Variants in SLC7A5 observed in about 807,000 individuals in gnomAD.
The protein encoded by SLC7A5 is solute carrier family 7 member 5.
Under a neutral mutation model 50.2 loss-of-function variants are expected in SLC7A5, and 23 were observed. That is an observed-to-expected ratio of 0.46 (90% CI 0.33 to 0.65). The LOEUF is 0.65. SLC7A5 is among the 30% of genes least tolerant of loss of function. SLC7A5 has a pLI of 0.02. For missense variants in SLC7A5, 578 were observed against 684.4 expected (o/e 0.84, Z 1.73); for synonymous variants, 393 against 330.6 (o/e 1.19, Z -2.05).
chr16:87,852,001 G>C lies in SLC7A5; in HGVS notation c.539-152C>G, dbSNP rs1284117608. 2 of 878,186 alleles carry C rather than the reference G, an allele frequency of 2.3e-6. No homozygotes were observed. The highest frequency in any genetic ancestry group is 3.6e-6 in the Non-Finnish European group (2 of 562,012). 54.4% of individuals were successfully genotyped at this position (878,186 alleles called of 1,614,324 possible). On this transcript the variant is annotated intron_variant, in intron 1 of 9. Transcript: ENST00000261622. This position sits in a 1 kb window ranked among gnomAD's most constrained non-coding sequence, Gnocchi z 4.5. The stretch of plus-strand genomic sequence containing the variant: ...AGCTCCAGTCCCCTGCCAGCCCTTA[G>C]GGCACGTTCTGACTTTCTGAGACCT...
At chr16:87,851,892 A>T (rs1365511567) in intron 1 of SLC7A5, 43 bp from the exon 2 acceptor site, 1 of 1,611,308 alleles carries the variant, frequency 6.2e-7, no homozygotes, top group Non-Finnish European at 8.5e-7. Flanking sequence ...GGGCAGACAG[A>T]CGCCAGCTCA....
chr16:87,832,799 T>C lies in SLC7A5; in HGVS notation c.*171A>G. On this transcript the variant is annotated 3_prime_UTR_variant, in exon 10 of 10. Coordinates refer to ENST00000261622, the MANE Select transcript of SLC7A5 (RefSeq NM_003486.7). The surrounding 1 kb of genome is among the most constrained non-coding windows in gnomAD (Gnocchi z 4.6). ...CCTGGCCCTCAGTTGAGGGATGAGA[T>C]TCGTACCAGAGTTTTCACAGCAGCC... 3.0e-6 allele frequency: 2 copies of C among 667,398 alleles called. No individual in the cohort carries two copies. Among genetic ancestry groups the C allele is most frequent in the South Asian group, 3.2e-5 (2 of 63,204 alleles). The allele number at this position is 667,398 out of a possible 1,614,324, so 41.3% of individuals were successfully genotyped here. A position where few individuals can be genotyped will look rare whatever the true frequency, so the allele number is the denominator to read the frequency against.
Position 87,833,140 on chromosome 16 carries a change from C to G in SLC7A5, c.1469-115G>C. The G allele has an allele frequency of 1.2e-6, 1 of 863,202 alleles. No individual in the cohort carries two copies. Among genetic ancestry groups the G allele is most frequent in the Non-Finnish European group, 2.0e-6 (1 of 502,538 alleles). 53.5% of individuals were successfully genotyped at this position (863,202 alleles called of 1,614,324 possible). A position where few individuals can be genotyped will look rare whatever the true frequency, so the allele number is the denominator to read the frequency against. ...GCTGTCACCAAACCCAGCGCCGCTG[C>G]CCAGCGCTGGGATTTTAAGGAACCT... On this transcript the variant is annotated intron_variant, in intron 9 of 9. Coordinates refer to ENST00000261622, the MANE Select transcript of SLC7A5 (RefSeq NM_003486.7). This position sits in a 1 kb window ranked among gnomAD's most constrained non-coding sequence, Gnocchi z 6.0.
rs75157467 is a variant in SLC7A5, at chr16:87,833,182, G to C, written c.1469-157C>G. ...AAGGAACCTTCCCTTGTGTACTTGC[G>C]CATGTGGGTGCCGGGTGCCCGAGGC... On this transcript the variant is annotated intron_variant, in intron 9 of 9. Coordinates refer to ENST00000261622, the MANE Select transcript of SLC7A5 (RefSeq NM_003486.7). This position sits in a 1 kb window ranked among gnomAD's most constrained non-coding sequence, Gnocchi z 6.0. Among the ~76,000 whole-genome samples, 316 of 152,342 alleles carry C rather than the reference G, an allele frequency of 2.1e-3. 1 individual carries two copies. Among genetic ancestry groups the C allele is most frequent in the African/African-American group, 7.3e-3 (302 of 41,586 alleles).
At chr16:87,843,550 C>G (rs1207926244) in intron 2 of SLC7A5, among the ~76,000 whole-genome samples, 1 of 151,922 alleles carries the variant, frequency 6.6e-6, no homozygotes, top group Non-Finnish European at 1.5e-5. Context: ...GGTCACCACA[C>G]TCATCCAGTG....
At chr16:87,857,377 C>A (rs1360513742) in intron 1 of SLC7A5, among the ~76,000 whole-genome samples, 1 of 152,202 alleles carries the variant, frequency 6.6e-6, no homozygotes. Flanking sequence ...CTCTGGGGAT[C>A]AAGTGATTCT....
intron 2 of SLC7A5, among the ~76,000 whole-genome samples, chr16:87,851,381 G>C (rs563664787): frequency 6.6e-6 from 1 of 152,350 alleles, no homozygotes; most frequent in South Asian, 2.1e-4. Context: ...TGCATGGCAG[G>C]CATAGCCCCT....
rs79881165 is a variant in SLC7A5, at chr16:87,851,192, C to T, written c.664+532G>A. 5.3e-3 allele frequency among the ~76,000 whole-genome samples: 802 copies of T among 152,350 alleles called. 8 individuals are homozygous for T. The highest frequency in any genetic ancestry group is 0.018 in the African/African-American group (768 of 41,572). On this transcript the variant is annotated intron_variant, in intron 2 of 9. Coordinates refer to ENST00000261622, the MANE Select transcript of SLC7A5 (RefSeq NM_003486.7). The stretch of plus-strand genomic sequence containing the variant: ...GGGGTTACCACGTTTGTTTTGTTTT[C>T]CATGCTTACCTCATCTTCTTTAAAA...
intron 2 of SLC7A5, among the ~76,000 whole-genome samples, chr16:87,844,254 C>T (rs2055119264): frequency 6.6e-6 from 1 of 152,224 alleles, no homozygotes; most frequent in South Asian, 2.1e-4. Flanking sequence ...CACAGCCAAA[C>T]CCCGGGTGGG....
Position 87,844,287 on chromosome 16 carries a change from G to C in SLC7A5, c.665-3132C>G, listed in dbSNP as rs1286780035. Among the ~76,000 whole-genome samples, 5 of 152,206 alleles carry C rather than the reference G, an allele frequency of 3.3e-5. No individual in the cohort carries two copies. The East Asian group carries it at 9.6e-4, about 29-fold the overall frequency. On this transcript the variant is annotated intron_variant, in intron 2 of 9. Coordinates refer to ENST00000261622, the MANE Select transcript of SLC7A5 (RefSeq NM_003486.7). ...GGGGGGAAGGCAAACTGCAAACGCC[G>C]CGGCGACCCCGGCACAGCAGCCCTG... is the stretch of plus-strand genomic sequence containing the variant.
At chr16:87,836,422 C>G (rs1215419125) in intron 8 of SLC7A5, 76 bp downstream of exon 8, 4 of 1,548,792 alleles carry the variant, frequency 2.6e-6, no homozygotes, top group Non-Finnish European at 3.5e-6. Flanking sequence ...TGCTGGCTCC[C>G]AACTCAGGGT....
At chr16:87,839,954 T>C in intron 4 of SLC7A5, 129 bp from the exon 5 acceptor site, 1 of 1,282,080 alleles carries the variant, frequency 7.8e-7, no homozygotes. Flanking sequence ...TCGGGGAAGG[T>C]GGGAAGCAGC....
In SLC7A5 at chr16:87,841,467, C is replaced by T. The variant is rs550587119; in HGVS notation, c.665-312G>A. ...GTCAGGATGGAGGGGTCAACCAGCC[C>T]CAGTTGCCTTCAAGAAGGTTCCCTG... is the stretch of plus-strand genomic sequence containing the variant. On this transcript the variant is annotated intron_variant, in intron 2 of 9. Coordinates refer to ENST00000261622, the MANE Select transcript of SLC7A5 (RefSeq NM_003486.7). The surrounding 1 kb of genome is among the most constrained non-coding windows in gnomAD (Gnocchi z 4.8). Among the ~76,000 whole-genome samples, 30 of 152,284 alleles carry T rather than the reference C, an allele frequency of 2.0e-4. No homozygotes were observed. The highest frequency in any genetic ancestry group is 3.4e-3 in the Middle Eastern group (1 of 294).
rs755149005 is a variant in SLC7A5 at position 87,839,786 on chromosome 16, C to A, written c.855G>T (p.Val285=). The A allele has an allele frequency of 4.3e-6, 7 of 1,613,968 alleles. No homozygotes were observed. The South Asian group carries it at 7.7e-5, about 18-fold the overall frequency. The change falls in exon 5 of 10, where the codon GTG becomes GTT. Residue 285 remains valine (V), a synonymous_variant. Coordinates refer to ENST00000261622, the MANE Select transcript of SLC7A5 (RefSeq NM_003486.7). ...GGTTGGTCAGCACGTACACCAGCGT[C>A]ACGATGGGCAGGGAGATGATGATGG... is the stretch of plus-strand genomic sequence containing the variant. ...PLAIIISLPI[V]TLVYVLTNLA... is the part of the protein sequence containing the mutation.
In SLC7A5 at chr16:87,839,726, C is replaced by G; in HGVS notation, c.915G>C (p.Met305Ile). 6.2e-7 allele frequency: 1 copy of G among 1,613,726 alleles called. No individual in the cohort carries two copies. Among genetic ancestry groups the G allele is most frequent in the Non-Finnish European group, 8.5e-7 (1 of 1,179,970 alleles). ...AYFTTLSTEQ[M>I]LSSEAVAVDF... Reference sequence around the variant, plus strand: ...CCACGGCCACGGCCTCGGACGACAGCATCTGCTCGGTGGACAGGGTGGTGA... The same window carrying G: ...CCACGGCCACGGCCTCGGACGACAGGATCTGCTCGGTGGACAGGGTGGTGA... Residue 305 changes from methionine (M) to isoleucine (I), a missense_variant, in exon 5 of 10, where the codon ATG (methionine) becomes ATC (isoleucine). Around this residue, in one of 2 missense-constraint regions of SLC7A5, gnomAD observed 465 missense variants for 594.6 expected, o/e 0.78. Coordinates refer to ENST00000261622, the MANE Select transcript of SLC7A5 (RefSeq NM_003486.7).
intron 8 of SLC7A5, 24 bp from the exon 9 acceptor site, chr16:87,834,615 G>A (rs1382101207): frequency 1.3e-6 from 2 of 1,568,264 alleles, no homozygotes; most frequent in Non-Finnish European, 1.7e-6. Flanking sequence ...CAGGGCCTGG[G>A]TGAGCCCTCT....
intron 2 of SLC7A5, among the ~76,000 whole-genome samples, chr16:87,849,022 A>C (rs2055187610): frequency 6.6e-6 from 1 of 152,258 alleles, no homozygotes. Flanking sequence ...CCAATGGAGC[A>C]GGGCACCCAG....
At position 87,862,659 on chromosome 16, in the gene SLC7A5, C is replaced by T. The variant is rs2055414037; in HGVS notation, c.538+6226G>A. On this transcript the variant is annotated intron_variant, in intron 1 of 9. Transcript: ENST00000261622. This position sits in a 1 kb window ranked among gnomAD's most constrained non-coding sequence, Gnocchi z 5.3. Reference sequence around the variant, plus strand: ...GCACAGTGAGCAGGAGATACAGGCACGTGGAGGGACGGTCACAGCCCGTGC... The same window carrying T: ...GCACAGTGAGCAGGAGATACAGGCATGTGGAGGGACGGTCACAGCCCGTGC... 1.3e-5 allele frequency among the ~76,000 whole-genome samples: 2 copies of T among 152,242 alleles called. No homozygotes were observed. Among genetic ancestry groups the T allele is most frequent in the Non-Finnish European group, 2.9e-5 (2 of 68,046 alleles).
intron 2 of SLC7A5, among the ~76,000 whole-genome samples, chr16:87,843,707 C>G (rs56722741): frequency 0.35 from 52,996 of 151,844 alleles, 10,570 homozygotes; most frequent in South Asian, 0.57. Flanking sequence ...CGGCGGGGTG[C>G]GGCGCTACTG....
Sources: allele counts gnomAD v4.1 joint callset (sites outside exome capture counted in the v4.1 genomes callset), GRCh38; gene constraint gnomAD v4.1.1; regional missense constraint gnomAD v4.1.1; non-coding constraint Gnocchi (gnomAD v3.1); transcripts MANE v1.5; gene names NCBI Gene and HGNC (gene_info 2026-07-23, HGNC 2026-07-21).